The following MARCHF1 variants were observed in gnomAD, a reference collection of about 807,000 sequenced individuals.
MARCHF1 encodes the protein membrane associated ring-CH-type finger 1.
MARCHF1 carries 40 observed loss-of-function variants against 54.2 expected under a neutral mutation model. The ratio of observed to expected loss-of-function variants is 0.74; its 90% confidence interval spans 0.57 to 0.96. The LOEUF (loss-of-function observed/expected upper bound fraction) is 0.96. Among genes scored for constraint, MARCHF1 ranks in the 40% least tolerant of loss-of-function variants. The probability of loss-of-function intolerance (pLI) is 0.00; values close to 1 mark genes in which losing one functional copy is unlikely to be tolerated. For synonymous variants in MARCHF1, 236 were observed against 236.3 expected (o/e 1.00, Z 0.01); for missense variants, 586 against 656.5 (o/e 0.89, Z 1.17).
chr4:164,378,845 G>C (rs919094272), intron 1 of MARCHF1, among the ~76,000 whole-genome samples: 3 of 152,098 alleles, frequency 2.0e-5, no homozygotes, highest in African/African-American at 7.2e-5. Context: ...CCAAGTAGCT[G>C]GGATTACAGG....
chr4:164,360,268 G>T (rs1383152494), intron 1 of MARCHF1, among the ~76,000 whole-genome samples: 1 of 152,090 alleles, frequency 6.6e-6, no homozygotes, highest in African/African-American at 2.4e-5. Context: ...ACTGCAGGTG[G>T]CTATCTTGCG....
intron 2 of MARCHF1, among the ~76,000 whole-genome samples, chr4:164,093,684 A>T (rs1755350505): frequency 6.6e-6 from 1 of 152,178 alleles, no homozygotes; most frequent in South Asian, 2.1e-4. Flanking sequence ...TAGAAGTTTT[A>T]GCACTGAAGG....
intron 4 of MARCHF1, among the ~76,000 whole-genome samples, chr4:163,805,695 A>G (rs1748206620): frequency 1.3e-5 from 2 of 152,194 alleles, no homozygotes; most frequent in Non-Finnish European, 2.9e-5. Context: ...AAGTGATTGT[A>G]CCATATTGCC....
At chr4:164,181,691 T>G (rs1317030837) in intron 1 of MARCHF1, among the ~76,000 whole-genome samples, 1 of 152,186 alleles carries the variant, frequency 6.6e-6, no homozygotes, top group Non-Finnish European at 1.5e-5. Context: ...GAAATAGATG[T>G]GATAAGCGCT....
intron 1 of MARCHF1, among the ~76,000 whole-genome samples, chr4:164,122,003 G>C (rs780307274): frequency 1.3e-5 from 2 of 152,134 alleles, no homozygotes; most frequent in African/African-American, 4.8e-5. Flanking sequence ...TCATGACCAA[G>C]TGGGATTTAT....
At chr4:163,642,693 G>T (rs1742596920) in intron 5 of MARCHF1, among the ~76,000 whole-genome samples, 1 of 152,054 alleles carries the variant, frequency 6.6e-6, no homozygotes, top group Admixed American at 6.6e-5. Flanking sequence ...CTTCTGGTTT[G>T]TTCCTCCAGA....
chr4:164,222,932 C>T (rs574443411), intron 1 of MARCHF1, among the ~76,000 whole-genome samples: 6 of 152,114 alleles, frequency 3.9e-5, no homozygotes, highest in Admixed American at 3.9e-4. Flanking sequence ...CACAGTTCCA[C>T]ATGGCTGGGG....
intron 4 of MARCHF1, among the ~76,000 whole-genome samples, chr4:163,843,954 T>G (rs367993527): frequency 6.6e-5 from 10 of 152,194 alleles, no homozygotes; most frequent in African/African-American, 2.2e-4. Flanking sequence ...TCATGCCCCT[T>G]GCTCATTTTT....
intron 3 of MARCHF1, among the ~76,000 whole-genome samples, chr4:163,942,805 T>C (rs1263346943): frequency 6.6e-6 from 1 of 152,148 alleles, no homozygotes; most frequent in African/African-American, 2.4e-5. Context: ...TTATAATAAA[T>C]TGAAACCATT....
Position 164,017,610 on chromosome 4 carries a change from G to A in MARCHF1, c.-247-28901C>T, listed in dbSNP as rs993679035. ...TACTTAAAGATAAATTAAAGTATAT[G>A]TAAGACCTAGCCACTGAAAACTACA... On this transcript the variant is annotated intron_variant, in intron 2 of 9. Coordinates refer to ENST00000514618, the MANE Select transcript of MARCHF1 (RefSeq NM_001394959.1). 2.6e-5 allele frequency among the ~76,000 whole-genome samples: 4 copies of A among 151,946 alleles called. No homozygotes were observed. The East Asian group carries it at 7.7e-4, about 29-fold the overall frequency.
At chr4:163,985,643 C>A (rs1752848158) in intron 3 of MARCHF1, among the ~76,000 whole-genome samples, 1 of 152,004 alleles carries the variant, frequency 6.6e-6, no homozygotes, top group Non-Finnish European at 1.5e-5. Flanking sequence ...CTTAAGAAAT[C>A]TGATATCAAG....
intron 1 of MARCHF1, among the ~76,000 whole-genome samples, chr4:164,250,786 A>G (rs1368775554): frequency 1.3e-5 from 2 of 152,164 alleles, no homozygotes; most frequent in Non-Finnish European, 2.9e-5. Context: ...GCCTAGAACA[A>G]GAAAAGGAGA....
At chr4:164,069,332 A>G in intron 2 of MARCHF1, among the ~76,000 whole-genome samples, 1 of 152,248 alleles carries the variant, frequency 6.6e-6, no homozygotes, top group Non-Finnish European at 1.5e-5. Context: ...CTGAGCCAGC[A>G]GTGGCAACCC....
At chr4:164,281,418 G>A (rs905401014) in intron 1 of MARCHF1, among the ~76,000 whole-genome samples, 1 of 152,144 alleles carries the variant, frequency 6.6e-6, no homozygotes, top group African/African-American at 2.4e-5. Flanking sequence ...TGTGGATGGG[G>A]AGCATTGATA....
intron 1 of MARCHF1, among the ~76,000 whole-genome samples, chr4:164,357,893 A>C (rs978567513): frequency 4.6e-5 from 7 of 152,188 alleles, no homozygotes; most frequent in African/African-American, 1.4e-4. Context: ...AAAGGAAAAC[A>C]ATCATTTTCT....
At chr4:164,215,632 C>A (rs1731908881) in intron 1 of MARCHF1, among the ~76,000 whole-genome samples, 1 of 152,088 alleles carries the variant, frequency 6.6e-6, no homozygotes, top group Non-Finnish European at 1.5e-5. Flanking sequence ...CGTTCCGTAT[C>A]AAAATCACGT....
intron 5 of MARCHF1, among the ~76,000 whole-genome samples, chr4:163,639,213 G>A (rs1454428376): frequency 6.6e-6 from 1 of 152,126 alleles, no homozygotes; most frequent in African/African-American, 2.4e-5. Context: ...GAAAATCAGA[G>A]CAGGAAAGAT....
At chr4:163,675,272 C>T (rs1239040525) in intron 5 of MARCHF1, among the ~76,000 whole-genome samples, 2 of 152,124 alleles carry the variant, frequency 1.3e-5, no homozygotes, top group Non-Finnish European at 2.9e-5. Context: ...TGGATAATTC[C>T]TCAAATTTGA....
intron 1 of MARCHF1, among the ~76,000 whole-genome samples, chr4:164,127,306 G>A (rs1036955514): frequency 6.6e-6 from 1 of 152,106 alleles, no homozygotes; most frequent in Non-Finnish European, 1.5e-5. Context: ...TGCAAGAAGA[G>A]AGAAACAACT....
Sources: gnomAD v4.1 joint callset for allele counts (sites outside exome capture counted in the v4.1 genomes callset) on GRCh38, gnomAD v4.1.1 for gene constraint, MANE v1.5 for transcripts, NCBI Gene and HGNC (gene_info 2026-07-23, HGNC 2026-07-21) for gene names.